SEMA6D: variants seen among roughly 807,000 people sequenced by gnomAD.
The protein encoded by SEMA6D is semaphorin 6D.
In SEMA6D, 35 loss-of-function variants were observed where a neutral mutation model predicts 106.6. The ratio of observed to expected loss-of-function variants is 0.33; its 90% CI spans 0.25 to 0.44. SEMA6D has a LOEUF of 0.44. SEMA6D is among the 20% of genes least tolerant of loss of function. SEMA6D has a pLI of 1.00. For missense variants in SEMA6D, 1,185 were observed against 1,345.9 expected (o/e 0.88, Z 1.87); for synonymous variants, 499 against 487.7 (o/e 1.02, Z -0.31).
intron 1 of SEMA6D, among the ~76,000 whole-genome samples, chr15:47,394,820 A>G (rs913969120): frequency 1.2e-4 from 18 of 152,214 alleles, no homozygotes; most frequent in Admixed American, 9.2e-4. Context: ...AAATTACCAT[A>G]AACAGCAGTC....
At chr15:47,467,113 T>A (rs757666364) in intron 2 of SEMA6D, among the ~76,000 whole-genome samples, 14 of 152,034 alleles carry the variant, frequency 9.2e-5, no homozygotes, top group Non-Finnish European at 1.6e-4. Flanking sequence ...ATATAAGGGT[T>A]CCCTTTTCTT....
chr15:47,276,972 C>T (rs1458593477), intron 1 of SEMA6D, among the ~76,000 whole-genome samples: 1 of 152,150 alleles, frequency 6.6e-6, no homozygotes, highest in African/African-American at 2.4e-5. Context: ...TTGATTCCAA[C>T]TCTCATGGAT....
chr15:47,767,604 G>C (rs1253550427), intron 17 of SEMA6D: 1 of 152,286 alleles, frequency 6.6e-6, no homozygotes, highest in Non-Finnish European at 1.5e-5. Context: ...AAAGGCTTCA[G>C]TGGAGTGAAG....
At chr15:47,405,707 C>A (rs1474015399) in intron 1 of SEMA6D, among the ~76,000 whole-genome samples, 2 of 152,140 alleles carry the variant, frequency 1.3e-5, no homozygotes, top group Non-Finnish European at 2.9e-5. Context: ...AGCTGGGGGC[C>A]TCATATAAAC....
At chr15:47,473,585 T>A (rs1004587265) in intron 3 of SEMA6D, among the ~76,000 whole-genome samples, 17 of 152,170 alleles carry the variant, frequency 1.1e-4, no homozygotes, top group Admixed American at 1.3e-4. Flanking sequence ...TTATGCCTCT[T>A]CATAAAGTAT....
chr15:47,447,326 C>T (rs576932218), intron 2 of SEMA6D, among the ~76,000 whole-genome samples: 57 of 152,180 alleles, frequency 3.7e-4, no homozygotes, highest in African/African-American at 1.3e-3. Flanking sequence ...ATTAGAGGGT[C>T]GTAACTTTCA....
intron 1 of SEMA6D, among the ~76,000 whole-genome samples, chr15:47,329,291 A>G (rs1053969686): frequency 3.3e-5 from 5 of 152,204 alleles, no homozygotes; most frequent in Non-Finnish European, 5.9e-5. Context: ...GTTTAAACAA[A>G]TGGAGAAACC....
At chr15:47,757,879 AG>A (rs1447480303) in intron 1 of SEMA6D, among the ~76,000 whole-genome samples, 1 of 152,154 alleles carries the variant, frequency 6.6e-6, no homozygotes, top group Non-Finnish European at 1.5e-5. Flanking sequence ...CCTATGTGCC[AG>A]GCATTTGCTT....
chr15:47,240,738 C>T (rs928020794), intron 1 of SEMA6D, among the ~76,000 whole-genome samples: 2 of 152,122 alleles, frequency 1.3e-5, no homozygotes, highest in African/African-American at 4.8e-5. Flanking sequence ...ATATTTGAAT[C>T]ATGTACATAA....
chr15:47,681,639 T>C (rs2078355091), intron 4 of SEMA6D, among the ~76,000 whole-genome samples: 1 of 152,216 alleles, frequency 6.6e-6, no homozygotes, highest in Non-Finnish European at 1.5e-5. Context: ...AATAAATGGA[T>C]AAATGAATGT....
intron 1 of SEMA6D, among the ~76,000 whole-genome samples, chr15:47,234,470 G>A (rs1166569129): frequency 6.6e-6 from 1 of 151,890 alleles, no homozygotes. Context: ...TACTCAATGT[G>A]TAATCTTTTT....
intron 1 of SEMA6D, among the ~76,000 whole-genome samples, chr15:47,310,931 T>G (rs1242464596): frequency 6.6e-6 from 1 of 152,202 alleles, no homozygotes; most frequent in Non-Finnish European, 1.5e-5. Context: ...CTTGTTTGAT[T>G]AGGATCAATT....
At chr15:47,318,021 GTTC>G (rs1298402890) in intron 1 of SEMA6D, among the ~76,000 whole-genome samples, 2 of 72,478 alleles carry the variant, frequency 2.8e-5, no homozygotes, top group African/African-American at 7.2e-5. Context: ...TTGTCCCACA[GTTC>G]TTTTTTTTTT....
chr15:47,771,445 A>G lies in SEMA6D; in HGVS notation c.2882A>G (p.Gln961Arg), dbSNP rs1045180311. 6.2e-7 allele frequency: 1 copy of G among 1,613,996 alleles called. No homozygotes were observed. The highest frequency in any genetic ancestry group is 1.3e-5 in the African/African-American group (1 of 74,932). ...GTCCCAATGACTTCTCTGGAAAGACAAAGAGGTTATCACAAAAATTCCTCC... is the reference window on the plus strand; with the variant it reads ...GTCCCAATGACTTCTCTGGAAAGACGAAGAGGTTATCACAAAAATTCCTCC... ...PGVPMTSLER[Q>R]RGYHKNSSQR... The change falls in exon 19 of 19, where the codon CAA becomes CGA. Residue 961 changes from glutamine (Q) to arginine (R), a missense_variant. Transcript: ENST00000536845.
At chr15:47,432,437 C>G (rs932738424) in intron 2 of SEMA6D, among the ~76,000 whole-genome samples, 1 of 152,196 alleles carries the variant, frequency 6.6e-6, no homozygotes. Context: ...CTCTCCTTCT[C>G]TTCACCCTGT....
chr15:47,329,892 A>C (rs2037276521), intron 1 of SEMA6D, among the ~76,000 whole-genome samples: 1 of 152,232 alleles, frequency 6.6e-6, no homozygotes, highest in Non-Finnish European at 1.5e-5. Context: ...CAACTGGCTG[A>C]TAAAGATGCT....
intron 2 of SEMA6D, among the ~76,000 whole-genome samples, chr15:47,443,511 C>A (rs534038153): frequency 1.3e-5 from 2 of 152,232 alleles, no homozygotes; most frequent in South Asian, 4.1e-4. Flanking sequence ...TGTTCTCACA[C>A]CTGATGTCCC....
chr15:47,751,584 T>G (rs1052522782), intron 1 of SEMA6D, among the ~76,000 whole-genome samples: 6 of 152,232 alleles, frequency 3.9e-5, no homozygotes, highest in Middle Eastern at 3.4e-3. Context: ...TACAGCATTC[T>G]CAGCAGAAAA....
At chr15:47,413,865 A>G (rs544392888) in intron 2 of SEMA6D, among the ~76,000 whole-genome samples, 51 of 152,262 alleles carry the variant, frequency 3.3e-4, no homozygotes, top group African/African-American at 1.2e-3. Flanking sequence ...GCAAAATGTG[A>G]CTTTGAACAG....
Sources: allele counts gnomAD v4.1 joint callset (sites outside exome capture counted in the v4.1 genomes callset), GRCh38; gene constraint gnomAD v4.1.1; transcripts MANE v1.5; gene names NCBI Gene and HGNC (gene_info 2026-07-23, HGNC 2026-07-21).